The following ZNF718 variants were observed in gnomAD, a reference collection of about 807,000 sequenced individuals.
ZNF718 encodes zinc finger protein 718.
In ZNF718, 3 loss-of-function variants were observed where a neutral mutation model predicts 2.6. That is an observed-to-expected ratio of 1.16 (90% CI 0.53 to 3.01). The LOEUF (loss-of-function observed/expected upper bound fraction) is 3.01, where lower values mean the gene tolerates loss of function less well. Among genes scored for constraint, ZNF718 ranks in the 30% most tolerant of loss-of-function variants. The pLI, the probability that ZNF718 is intolerant of heterozygous loss-of-function variation, is 0.03. For missense variants in ZNF718, 468 were observed against 230.0 expected, an observed-to-expected ratio of 2.03 and a Z score of -6.69; for synonymous variants, 135 against 77.9, an observed-to-expected ratio of 1.73 and a Z score of -3.86.
At chr4:137,274 T>C (rs1406157595) in intron 3 of ZNF718, among the ~76,000 whole-genome samples, 1 of 152,188 alleles carries the variant, frequency 6.6e-6, no homozygotes, top group Non-Finnish European at 1.5e-5. Context: ...CAGGTATTTA[T>C]AGCAATGCAA....
At chr4:176,092 G>A (rs913484801) in intron 3 of ZNF718, among the ~76,000 whole-genome samples, 6 of 151,850 alleles carry the variant, frequency 4.0e-5, no homozygotes, top group African/African-American at 1.5e-4. Context: ...TCACACTTCT[G>A]GCTAAAAGCA....
At chr4:142,440 A>G (rs1715853578) in intron 3 of ZNF718, among the ~76,000 whole-genome samples, 1 of 152,246 alleles carries the variant, frequency 6.6e-6, no homozygotes, top group Non-Finnish European at 1.5e-5. Context: ...TTAATGGTAC[A>G]TACATTGCCT....
chr4:193,955 C>T (rs540594204), intron 3 of ZNF718, among the ~76,000 whole-genome samples: 173 of 152,082 alleles, frequency 1.1e-3, no homozygotes, highest in Admixed American at 2.5e-3. Context: ...CCTTGTAGAC[C>T]GCACTGGAAG....
intron 3 of ZNF718, among the ~76,000 whole-genome samples, chr4:143,730 A>G (rs181846392): frequency 6.6e-6 from 1 of 152,144 alleles, no homozygotes; most frequent in Non-Finnish European, 1.5e-5. Context: ...CCTAGAGACC[A>G]TCAAGCTTCA....
chr4:124,976 C>T (rs185502998), intron 1 of ZNF718: 21 of 351,544 alleles, frequency 6.0e-5, no homozygotes, highest in African/African-American at 3.7e-4. Flanking sequence ...GAGCTGTGGT[C>T]CGGAATCCCG....
chr4:172,966 A>G (rs1717270086), intron 3 of ZNF718, among the ~76,000 whole-genome samples: 1 of 152,094 alleles, frequency 6.6e-6, no homozygotes, highest in Admixed American at 6.6e-5. Context: ...AATCGCTTGA[A>G]CCTGGGAGGT....
At chr4:156,311 G>A (rs1553813648) in intron 3 of ZNF718, among the ~76,000 whole-genome samples, 1 of 151,940 alleles carries the variant, frequency 6.6e-6, no homozygotes, top group Non-Finnish European at 1.5e-5. Flanking sequence ...CTCTGTTTGT[G>A]TGTATACAAT....
At chr4:129,694 T>TA (rs1221206987) in intron 1 of ZNF718, among the ~76,000 whole-genome samples, 1 of 103,030 alleles carries the variant, frequency 9.7e-6, no homozygotes, top group Non-Finnish European at 2.2e-5. Context: ...AACACAAAAA[T>TA]AAAAAATTCC....
chr4:136,210 G>T (rs1346088233), intron 3 of ZNF718, among the ~76,000 whole-genome samples: 1 of 152,146 alleles, frequency 6.6e-6, no homozygotes, highest in Non-Finnish European at 1.5e-5. Flanking sequence ...TGTATGAATG[G>T]GTTTGGCTTC....
rs1219116517 is a variant in ZNF718, at chr4:162,363, A to G, written c.*241A>G. On this transcript the variant is annotated 3_prime_UTR_variant, in exon 4 of 4. Transcript: ENST00000510175. Reference sequence around the variant, plus strand: ...TTCTTACTGCAGAAAACCCCTAGGAATATTAAAAGTGTGGCAAAACCTTTA... The same window carrying G: ...TTCTTACTGCAGAAAACCCCTAGGAGTATTAAAAGTGTGGCAAAACCTTTA... 1 of 375,120 alleles carries G rather than the reference A, an allele frequency of 2.7e-6. No individual in the cohort carries two copies. Among genetic ancestry groups the G allele is most frequent in the Admixed American group, 4.1e-5 (1 of 24,628 alleles). The allele number at this position is 375,120 out of a possible 1,614,324, so 23.2% of individuals were successfully genotyped here.
At chr4:170,463 T>C (rs2108809610) in intron 3 of ZNF718, among the ~76,000 whole-genome samples, 1 of 152,358 alleles carries the variant, frequency 6.6e-6, no homozygotes. Context: ...GGTTCCATTC[T>C]CCCTGTCACT....
intron 1 of ZNF718, chr4:125,247 A>G (rs939273526): frequency 8.5e-5 from 13 of 153,102 alleles, no homozygotes; most frequent in African/African-American, 2.7e-4. Context: ...GTCTGTTCGC[A>G]TCTTTTAGAA....
chr4:189,793 C>G (rs929334737), intron 3 of ZNF718, among the ~76,000 whole-genome samples: 14 of 152,060 alleles, frequency 9.2e-5, no homozygotes, highest in Non-Finnish European at 1.8e-4. Context: ...CTTAGAAGTT[C>G]CATTCTAGTA....
At chr4:154,757 A>C (rs1361905221) in intron 3 of ZNF718, among the ~76,000 whole-genome samples, 1 of 152,206 alleles carries the variant, frequency 6.6e-6, no homozygotes, top group African/African-American at 2.4e-5. Context: ...TGTGATAGAC[A>C]AGAAAAACCC....
chr4:171,451 A>C (rs1244024947), intron 3 of ZNF718, among the ~76,000 whole-genome samples: 2 of 152,154 alleles, frequency 1.3e-5, no homozygotes, highest in Non-Finnish European at 2.9e-5. Flanking sequence ...GGTGGAGTCT[A>C]CAGAGGCAGG....
At chr4:201,803 A>T in exon 5 of ZNF718, 1 of 195,638 alleles carries the variant, frequency 5.1e-6, no homozygotes. Context: ...TCCTGGGAAG[A>T]GATTCAGCAC....
At chr4:199,514 A>G (rs1553822480) in intron 3 of ZNF718, among the ~76,000 whole-genome samples, 1 of 152,116 alleles carries the variant, frequency 6.6e-6, no homozygotes, top group African/African-American at 2.4e-5. Context: ...AACTAACTCA[A>G]TTTCCTTGCA....
At chr4:170,954 G>A (rs1453009699) in intron 3 of ZNF718, among the ~76,000 whole-genome samples, 1 of 152,064 alleles carries the variant, frequency 6.6e-6, no homozygotes, top group Non-Finnish European at 1.5e-5. Context: ...TTTCTGCTCC[G>A]TTTTTCCCCC....
chr4:153,207 C>G (rs1054151335), intron 3 of ZNF718, among the ~76,000 whole-genome samples: 7 of 151,922 alleles, frequency 4.6e-5, no homozygotes, highest in Non-Finnish European at 7.4e-5. Flanking sequence ...TTCTAGACAT[C>G]TTTGTTTAAA....
Sources: gnomAD v4.1 joint callset for allele counts (sites outside exome capture counted in the v4.1 genomes callset) on GRCh38, gnomAD v4.1.1 for gene constraint, MANE v1.5 for transcripts, NCBI Gene and HGNC (gene_info 2026-07-23, HGNC 2026-07-21) for gene names.